Variants in PHTF2 observed in about 807,000 individuals in gnomAD.
The protein encoded by PHTF2 is putative homeodomain transcription factor 2, also known as protein PHTF2.
Under a neutral mutation model 101.2 loss-of-function variants are expected in PHTF2, and 60 were observed. That is an observed-to-expected ratio of 0.59 (90% CI 0.48 to 0.73). PHTF2 has a LOEUF of 0.73. Among genes scored for constraint, PHTF2 ranks in the 30% least tolerant of loss-of-function variants. The pLI is 0.00. For synonymous variants in PHTF2, 311 were observed against 307.3 expected, an observed-to-expected ratio of 1.01 and a Z score of -0.13; for missense variants, 747 against 908.7, an observed-to-expected ratio of 0.82 and a Z score of 2.29.
chr7:77,893,954 C>A, intron 4 of PHTF2, 28 bp from the exon 4 acceptor site: 2 of 1,574,840 alleles, frequency 1.3e-6, no homozygotes, highest in Non-Finnish European at 1.7e-6. Context: ...CTTTTTCTCC[C>A]TTTTGATGCT....
At position 77,949,632 on chromosome 7, in the gene PHTF2, G is replaced by A; in HGVS notation, c.1960-46G>A. The A allele has an allele frequency of 2.8e-6, 3 of 1,058,036 alleles. No homozygotes were observed. The Admixed American group carries it at 8.6e-5, about 30-fold the overall frequency. The allele number at this position is 1,058,036 out of a possible 1,614,324, so 65.5% of individuals were successfully genotyped here. On this transcript the variant is annotated intron_variant, in intron 16 of 19. Transcript: ENST00000416283. ...TGTTTATTTCTTTTGAAAAGAAATT[G>A]TTTGAATCACATTGCTGCTTTATGT...
At chr7:77,916,996 T>G (rs2150898681) in intron 9 of PHTF2, among the ~76,000 whole-genome samples, 1 of 152,338 alleles carries the variant, frequency 6.6e-6, no homozygotes. Flanking sequence ...ATCTATAGAT[T>G]ATTCTTGCCC....
chr7:77,875,215 G>A (rs1798828630), intron 3 of PHTF2, among the ~76,000 whole-genome samples: 3 of 151,924 alleles, frequency 2.0e-5, no homozygotes, highest in Non-Finnish European at 4.4e-5. Context: ...CCATGAGCGT[G>A]GGATGTCTTC....
intron 1 of PHTF2, among the ~76,000 whole-genome samples, chr7:77,825,452 C>T (rs1002853296): frequency 2.0e-5 from 3 of 152,148 alleles, no homozygotes; most frequent in Non-Finnish European, 4.4e-5. Flanking sequence ...TCAGCAGAGG[C>T]AACAAGCACT....
At chr7:77,884,987 G>T (rs1179414749) in intron 3 of PHTF2, among the ~76,000 whole-genome samples, 1 of 152,196 alleles carries the variant, frequency 6.6e-6, no homozygotes, top group Non-Finnish European at 1.5e-5. Flanking sequence ...AACATCTTAT[G>T]ATTGATGATG....
intron 3 of PHTF2, among the ~76,000 whole-genome samples, chr7:77,872,620 A>G (rs1157898782): frequency 6.6e-6 from 1 of 152,140 alleles, no homozygotes; most frequent in Non-Finnish European, 1.5e-5. Context: ...TAAATTTTGT[A>G]GTTGAGTGAC....
At chr7:77,915,111 C>T (rs914719630) in intron 9 of PHTF2, among the ~76,000 whole-genome samples, 1 of 151,576 alleles carries the variant, frequency 6.6e-6, no homozygotes, top group Admixed American at 6.6e-5. Flanking sequence ...GGGGTTTCAC[C>T]GTGTTGGCTG....
chr7:77,899,299 G>A (rs746043181), intron 5 of PHTF2, among the ~76,000 whole-genome samples: 10 of 151,846 alleles, frequency 6.6e-5, no homozygotes, highest in Non-Finnish European at 1.3e-4. Context: ...AAACAGGAAG[G>A]TTAAAGCATC....
chr7:77,890,420 A>G (rs973863682), intron 3 of PHTF2, among the ~76,000 whole-genome samples: 20 of 152,168 alleles, frequency 1.3e-4, no homozygotes, highest in Non-Finnish European at 2.9e-5. Context: ...GTATCTACAC[A>G]TTCACTTTCT....
chr7:77,883,791 G>C (rs1248662011), intron 3 of PHTF2, among the ~76,000 whole-genome samples: 1 of 152,022 alleles, frequency 6.6e-6, no homozygotes, highest in Non-Finnish European at 1.5e-5. Flanking sequence ...TGAATCTTTT[G>C]TCTCTCTGTA....
chr7:77,957,468 T>A (rs1435580173), exon 20 of PHTF2: 1 of 152,318 alleles, frequency 6.6e-6, no homozygotes, highest in Non-Finnish European at 1.5e-5. Context: ...GCAAACTGGC[T>A]GTGGCCTGAA....
intron 9 of PHTF2, among the ~76,000 whole-genome samples, chr7:77,918,944 C>T (rs938043303): frequency 1.3e-5 from 2 of 152,092 alleles, no homozygotes; most frequent in African/African-American, 4.8e-5. Context: ...CTTTAGGAAC[C>T]TTGGAGAAGA....
chr7:77,938,189 TA>T (rs1805317773), intron 13 of PHTF2, among the ~76,000 whole-genome samples: 1 of 152,074 alleles, frequency 6.6e-6, no homozygotes, highest in African/African-American at 2.4e-5. Flanking sequence ...ACTTTAAAAA[TA>T]AAAAAATAAT....
chr7:77,930,160 G>A (rs1804435783), intron 12 of PHTF2, among the ~76,000 whole-genome samples: 1 of 151,734 alleles, frequency 6.6e-6, no homozygotes. Flanking sequence ...CACCATGTTG[G>A]CCAGGCTGGT....
intron 9 of PHTF2, among the ~76,000 whole-genome samples, chr7:77,917,999 A>C (rs1400854979): frequency 6.6e-6 from 1 of 152,190 alleles, no homozygotes; most frequent in African/African-American, 2.4e-5. Context: ...AACCCAGAGA[A>C]GATTGGAGGG....
At chr7:77,951,742 G>GT in intron 18 of PHTF2, 30 bp downstream of exon 17, 1 of 879,812 alleles carries the variant, frequency 1.1e-6, no homozygotes. Flanking sequence ...TGGTTATAAT[G>GT]TCAAATATGC....
At chr7:77,852,820 C>G (rs1161053884) in intron 2 of PHTF2, among the ~76,000 whole-genome samples, 2 of 152,026 alleles carry the variant, frequency 1.3e-5, no homozygotes, top group Non-Finnish European at 2.9e-5. Context: ...AGTATTTTTC[C>G]TTCATGTTTG....
At chr7:77,827,797 G>T (rs1237840100) in intron 1 of PHTF2, among the ~76,000 whole-genome samples, 2 of 151,972 alleles carry the variant, frequency 1.3e-5, no homozygotes, top group Non-Finnish European at 2.9e-5. Flanking sequence ...CAGCCACCAT[G>T]CCTGGCTAAT....
At chr7:77,877,331 C>T (rs1265256833) in intron 3 of PHTF2, among the ~76,000 whole-genome samples, 1 of 152,022 alleles carries the variant, frequency 6.6e-6, no homozygotes, top group Non-Finnish European at 1.5e-5. Flanking sequence ...GTCTCGAACT[C>T]CTGACCTCAT....
Sources: gnomAD v4.1 joint callset for allele counts (sites outside exome capture counted in the v4.1 genomes callset) on GRCh38, gnomAD v4.1.1 for gene constraint, MANE v1.5 for transcripts, NCBI Gene and HGNC (gene_info 2026-07-23, HGNC 2026-07-21) for gene names.